Variants in ROBO1 observed in about 807,000 individuals in gnomAD.
The protein encoded by ROBO1 is roundabout homolog 1.
In ROBO1, 149 loss-of-function variants were observed where a neutral mutation model predicts 195.9. The ratio of observed to expected loss-of-function variants is 0.76; its 90% CI spans 0.67 to 0.87. ROBO1 has a LOEUF of 0.87. Ranked by LOEUF, ROBO1 falls within the 40% of genes least tolerant of loss-of-function variation. The pLI is 0.00. For missense variants in ROBO1, 1,933 were observed against 2,068.3 expected (o/e 0.93, Z 1.27); for synonymous variants, 816 against 733.2 (o/e 1.11, Z -1.82).
chr3:79,672,583 G>A (rs66945110), intron 1 of ROBO1, among the ~76,000 whole-genome samples: 42,537 of 151,692 alleles, frequency 0.28, 6,100 homozygotes, highest in East Asian at 0.37. Context: ...AGAAGACTGC[G>A]TGAGGAATAA....
chr3:79,284,039 G>A lies in ROBO1; in HGVS notation c.89-158500C>T, dbSNP rs191981313. The stretch of plus-strand genomic sequence containing the variant: ...AAATGTTTTCTGTTTTGTAAGTTCT[G>A]GGTCGCTGGTGGATTTTTCTCATCT... On this transcript the variant is annotated intron_variant, in intron 2 of 30. Coordinates refer to ENST00000464233, the MANE Select transcript of ROBO1 (RefSeq NM_002941.4). Among the ~76,000 whole-genome samples, 4 of 151,716 alleles carry A rather than the reference G, an allele frequency of 2.6e-5. No homozygotes were observed. The East Asian group carries it at 7.8e-4, about 29-fold the overall frequency.
intron 3 of ROBO1, among the ~76,000 whole-genome samples, chr3:79,035,733 A>G (rs1159228210): frequency 6.6e-6 from 1 of 152,032 alleles, no homozygotes; most frequent in Non-Finnish European, 1.5e-5. Context: ...TTTATCTAAA[A>G]AAAAAAAAAG....
At chr3:79,159,215 T>C (rs967421857) in intron 2 of ROBO1, among the ~76,000 whole-genome samples, 5 of 151,984 alleles carry the variant, frequency 3.3e-5, no homozygotes, top group African/African-American at 4.8e-5. Flanking sequence ...TACTCTTGAA[T>C]AGGGAAAATG....
At chr3:79,735,370 CTT>C (rs1231187011) in intron 1 of ROBO1, among the ~76,000 whole-genome samples, 3 of 152,138 alleles carry the variant, frequency 2.0e-5, no homozygotes, top group Admixed American at 2.0e-4. Context: ...CAAGCTGACT[CTT>C]ATTGAAATAG....
intron 1 of ROBO1, among the ~76,000 whole-genome samples, chr3:79,756,194 A>G (rs902759207): frequency 2.6e-5 from 4 of 152,148 alleles, no homozygotes; most frequent in Non-Finnish European, 5.9e-5. Flanking sequence ...TGAAGAGTCT[A>G]TTATTCTATG....
chr3:79,420,094 T>A (rs2038164928), intron 2 of ROBO1, among the ~76,000 whole-genome samples: 1 of 152,158 alleles, frequency 6.6e-6, no homozygotes, highest in Non-Finnish European at 1.5e-5. Context: ...GTCTCACATA[T>A]AATTTTATTT....
chr3:79,204,756 ATTG>A (rs1470115711), intron 2 of ROBO1, among the ~76,000 whole-genome samples: 1 of 152,056 alleles, frequency 6.6e-6, no homozygotes, highest in Non-Finnish European at 1.5e-5. Context: ...GTGATATGCT[ATTG>A]TTGTTTTAAT....
At chr3:79,523,441 T>G (rs1941294060) in intron 2 of ROBO1, among the ~76,000 whole-genome samples, 1 of 150,800 alleles carries the variant, frequency 6.6e-6, no homozygotes, top group African/African-American at 2.4e-5. Context: ...CCACAAAAAA[T>G]AGACTTTGCA....
At chr3:79,386,754 G>T (rs2036763367) in intron 2 of ROBO1, among the ~76,000 whole-genome samples, 1 of 152,082 alleles carries the variant, frequency 6.6e-6, no homozygotes, top group African/African-American at 2.4e-5. Context: ...TGAGAATTAT[G>T]TCACAGAGCA....
chr3:79,060,836 G>C (rs976356864), intron 3 of ROBO1, among the ~76,000 whole-genome samples: 1 of 152,130 alleles, frequency 6.6e-6, no homozygotes, highest in African/African-American at 2.4e-5. Context: ...ACTAGGTATT[G>C]ATGGACTATA....
chr3:79,596,295 T>C (rs1394073170), intron 1 of ROBO1, among the ~76,000 whole-genome samples: 2 of 152,152 alleles, frequency 1.3e-5, no homozygotes, highest in East Asian at 1.9e-4. Context: ...AAATATACTA[T>C]CTTCATGTCA....
chr3:79,427,622 C>A (rs566662590), intron 2 of ROBO1, among the ~76,000 whole-genome samples: 4 of 152,180 alleles, frequency 2.6e-5, no homozygotes, highest in East Asian at 1.9e-4. Context: ...AATAGAGAAC[C>A]CTGAAATAAC....
intron 2 of ROBO1, among the ~76,000 whole-genome samples, chr3:79,446,689 G>T (rs1409968774): frequency 2.0e-5 from 3 of 152,088 alleles, no homozygotes; most frequent in African/African-American, 7.2e-5. Flanking sequence ...TCAGAAGTGG[G>T]TATGAAATAT....
intron 2 of ROBO1, among the ~76,000 whole-genome samples, chr3:79,531,385 G>A (rs1015494721): frequency 1.3e-5 from 2 of 152,144 alleles, no homozygotes; most frequent in Non-Finnish European, 2.9e-5. Context: ...CACTTTGGGA[G>A]GCCGAGGTGG....
rs145506212 is a variant in ROBO1 at position 79,567,901 on chromosome 3, T to C, written c.88+21923A>G. Among the ~76,000 whole-genome samples the C allele has an allele frequency of 4.4e-3, 663 of 152,290 alleles. 8 individuals are homozygous for C. The highest frequency in any genetic ancestry group is 0.015 in the Admixed American group (230 of 15,286). ...ATGTGTTTAATTCATAATTTTCAAA[T>C]TAAGAAATTGATCAAATATTGCTTT... On this transcript the variant is annotated intron_variant, in intron 2 of 30. Coordinates refer to ENST00000464233, the MANE Select transcript of ROBO1 (RefSeq NM_002941.4).
intron 3 of ROBO1, among the ~76,000 whole-genome samples, chr3:79,112,743 A>C (rs1190913937): frequency 7.4e-6 from 1 of 134,326 alleles, no homozygotes; most frequent in Admixed American, 7.7e-5. Context: ...AACATCACAC[A>C]CCCACACTGG....
At chr3:79,557,832 G>T (rs1942768294) in intron 2 of ROBO1, among the ~76,000 whole-genome samples, 2 of 148,798 alleles carry the variant, frequency 1.3e-5, no homozygotes, top group Non-Finnish European at 3.0e-5. Flanking sequence ...ATTGCTTTTT[G>T]CTACGAAAGA....
chr3:79,604,079 G>A (rs1314167378), intron 1 of ROBO1, among the ~76,000 whole-genome samples: 1 of 151,880 alleles, frequency 6.6e-6, no homozygotes, highest in East Asian at 1.9e-4. Context: ...TTAGAAAGAG[G>A]TACATTTGTT....
intron 2 of ROBO1, among the ~76,000 whole-genome samples, chr3:79,283,788 C>G (rs2031687970): frequency 6.6e-6 from 1 of 151,306 alleles, no homozygotes; most frequent in Non-Finnish European, 1.5e-5. Flanking sequence ...AGCTCCGCCT[C>G]CCGGGTTCAC....
Sources: allele counts gnomAD v4.1 joint callset (sites outside exome capture counted in the v4.1 genomes callset), GRCh38; gene constraint gnomAD v4.1.1; transcripts MANE v1.5; gene names NCBI Gene and HGNC (gene_info 2026-07-23, HGNC 2026-07-21).